The following EXOC6B variants were observed in gnomAD, a reference collection of about 807,000 sequenced individuals.
EXOC6B encodes SEC15 homolog B.
In EXOC6B, 54 loss-of-function variants were observed where a neutral mutation model predicts 113.5. The ratio of observed to expected loss-of-function variants is 0.48; its 90% CI spans 0.38 to 0.60. EXOC6B has a LOEUF of 0.60. EXOC6B is among the 20% of genes least tolerant of loss of function. EXOC6B has a pLI of 0.00. For missense variants in EXOC6B, 797 were observed against 977.5 expected (o/e 0.82, Z 2.46); for synonymous variants, 357 against 339.0 (o/e 1.05, Z -0.58).
intron 19 of EXOC6B, among the ~76,000 whole-genome samples, chr2:72,338,823 G>T (rs886204011): frequency 1.3e-5 from 2 of 151,778 alleles, no homozygotes; most frequent in African/African-American, 4.8e-5. Context: ...GGTTATGAGG[G>T]TGTTTTTTTT....
intron 9 of EXOC6B, among the ~76,000 whole-genome samples, 155 bp downstream of exon 9, chr2:72,514,888 T>C (rs1464660112): frequency 1.3e-5 from 2 of 151,740 alleles, no homozygotes; most frequent in Non-Finnish European, 1.5e-5. Context: ...AATCAATAAA[T>C]GTTTTCTTAC....
At chr2:72,566,852 G>A (rs1455358354) in intron 7 of EXOC6B, among the ~76,000 whole-genome samples, 2 of 151,924 alleles carry the variant, frequency 1.3e-5, no homozygotes, top group African/African-American at 4.8e-5. Context: ...AAAATAGAAT[G>A]AGAAAGATTT....
At chr2:72,742,337 T>A (rs1681376392) in intron 1 of EXOC6B, among the ~76,000 whole-genome samples, 1 of 152,128 alleles carries the variant, frequency 6.6e-6, no homozygotes, top group Non-Finnish European at 1.5e-5. Flanking sequence ...ATTGTTTTTA[T>A]TTTTTTAATA....
intron 19 of EXOC6B, among the ~76,000 whole-genome samples, chr2:72,365,999 T>C (rs1690603736): frequency 6.6e-6 from 1 of 152,062 alleles, no homozygotes; most frequent in African/African-American, 2.4e-5. Flanking sequence ...AATATAATAT[T>C]ATTTAAAGGA....
intron 19 of EXOC6B, among the ~76,000 whole-genome samples, chr2:72,352,141 A>G (rs962560361): frequency 6.6e-6 from 1 of 152,168 alleles, no homozygotes; most frequent in African/African-American, 2.4e-5. Context: ...AAAAAATTCT[A>G]AAAGGGATTA....
At chr2:72,754,938 AAT>A (rs1222989893) in intron 1 of EXOC6B, among the ~76,000 whole-genome samples, 13 of 152,098 alleles carry the variant, frequency 8.5e-5, no homozygotes, top group African/African-American at 3.1e-4. Context: ...TTCGATAAGG[AAT>A]ATATTTAAAA....
chr2:72,513,264 GA>G lies in EXOC6B; in HGVS notation c.1047-13del. 5 of 1,609,442 alleles carry G rather than the reference GA, an allele frequency of 3.1e-6. No individual in the cohort carries two copies. Among genetic ancestry groups the G allele is most frequent in the Non-Finnish European group, 4.2e-6 (5 of 1,178,030 alleles). The stretch of plus-strand genomic sequence containing the variant: ...CAACCACAAAAAAGCTAAGATTGAG[GA>G]AAAAAGAAAGCACAGCTGTCAGAAA... On this transcript the variant is annotated splice_polypyrimidine_tract_variant and intron_variant, in intron 10 of 21. Coordinates refer to ENST00000272427, the MANE Select transcript of EXOC6B (RefSeq NM_015189.3).
chr2:72,274,443 C>T (rs1684688293), intron 20 of EXOC6B, among the ~76,000 whole-genome samples: 1 of 152,100 alleles, frequency 6.6e-6, no homozygotes, highest in Non-Finnish European at 1.5e-5. Context: ...AATCACCAAC[C>T]AAGTGAAATG....
intron 6 of EXOC6B, among the ~76,000 whole-genome samples, chr2:72,709,809 A>T (rs1679152954): frequency 1.3e-5 from 2 of 152,192 alleles, no homozygotes; most frequent in Non-Finnish European, 2.9e-5. Context: ...TAGATTGCTT[A>T]TGAGAACCAA....
chr2:72,398,748 A>G (rs1692930169), intron 18 of EXOC6B, among the ~76,000 whole-genome samples: 1 of 151,306 alleles, frequency 6.6e-6, no homozygotes, highest in African/African-American at 2.4e-5. Context: ...ACACACACAC[A>G]CACACACACA....
chr2:72,623,606 C>T (rs1671874564), intron 6 of EXOC6B, among the ~76,000 whole-genome samples: 1 of 152,110 alleles, frequency 6.6e-6, no homozygotes, highest in South Asian at 2.1e-4. Context: ...TTAGTCACTA[C>T]CCCCCAACTC....
At chr2:72,374,117 T>C (rs1691206873) in intron 19 of EXOC6B, among the ~76,000 whole-genome samples, 1 of 152,068 alleles carries the variant, frequency 6.6e-6, no homozygotes, top group African/African-American at 2.4e-5. Flanking sequence ...AATTTGGAAG[T>C]TCCTGAAAAA....
rs567687469 is a variant in EXOC6B at position 72,245,676 on chromosome 2, C to T, written c.2197-61489G>A. On this transcript the variant is annotated intron_variant, in intron 20 of 21. Transcript: ENST00000272427. ...GTGAGGGAGAGAAGAAGAGGCAGAG[C>T]GCAGGGCAGTGAAACTATTCTGTAA... 3.3e-5 allele frequency among the ~76,000 whole-genome samples: 5 copies of T among 152,150 alleles called. No homozygotes were observed. In the East Asian group the frequency reaches 5.8e-4, roughly 18 times the overall value.
intron 6 of EXOC6B, among the ~76,000 whole-genome samples, chr2:72,707,777 T>A (rs953879814): frequency 4.6e-5 from 7 of 152,160 alleles, no homozygotes; most frequent in African/African-American, 1.7e-4. Context: ...TTGAATACCA[T>A]AATGCCTACC....
chr2:72,477,736 G>C (rs150706404), intron 17 of EXOC6B, among the ~76,000 whole-genome samples: 5 of 152,314 alleles, frequency 3.3e-5, no homozygotes, highest in East Asian at 3.9e-4. Flanking sequence ...ATTAGTGATA[G>C]ATACATCATT....
chr2:72,810,498 T>C (rs1247621879), intron 1 of EXOC6B, among the ~76,000 whole-genome samples: 1 of 151,860 alleles, frequency 6.6e-6, no homozygotes, highest in African/African-American at 2.4e-5. Context: ...AATGTATACA[T>C]TAGAAAAGAG....
intron 20 of EXOC6B, among the ~76,000 whole-genome samples, chr2:72,288,398 A>G (rs1409725234): frequency 1.3e-5 from 2 of 152,158 alleles, no homozygotes; most frequent in African/African-American, 2.4e-5. Flanking sequence ...ATTTGTAAAA[A>G]TAAAAAAAAG....
At chr2:72,401,494 C>CGT (rs1693156702) in intron 18 of EXOC6B, among the ~76,000 whole-genome samples, 1 of 59,644 alleles carries the variant, frequency 1.7e-5, no homozygotes, top group Non-Finnish European at 2.9e-5. Flanking sequence ...ATTTTATATA[C>CGT]ATATATATAT....
In EXOC6B at chr2:72,228,296, T is replaced by C. The variant is rs111857247; in HGVS notation, c.2197-44109A>G. On this transcript the variant is annotated intron_variant, in intron 20 of 21. Coordinates refer to ENST00000272427, the MANE Select transcript of EXOC6B (RefSeq NM_015189.3). The stretch of plus-strand genomic sequence containing the variant: ...TTTTTTTTTATTATACTTTAAGTTT[T>C]AGGGTACATGTGCACAACGTGCAGG... Among the ~76,000 whole-genome samples, 1,430 of 152,246 alleles carry C rather than the reference T, an allele frequency of 9.4e-3. 23 individuals carry two copies. The highest frequency in any genetic ancestry group is 0.032 in the African/African-American group (1,322 of 41,516).
Sources: gnomAD v4.1 joint callset for allele counts (sites outside exome capture counted in the v4.1 genomes callset) on GRCh38, gnomAD v4.1.1 for gene constraint, MANE v1.5 for transcripts, NCBI Gene and HGNC (gene_info 2026-07-23, HGNC 2026-07-21) for gene names.